The following SERAC1 variants were observed in gnomAD, a reference collection of about 807,000 sequenced individuals.
SERAC1 encodes the protein serine active site containing 1.
In SERAC1, 36 loss-of-function variants were observed where a neutral mutation model predicts 85.7. The ratio of observed to expected loss-of-function variants is 0.42; its 90% confidence interval spans 0.32 to 0.55. The LOEUF is 0.55. Among genes scored for constraint, SERAC1 ranks in the 20% least tolerant of loss-of-function variants. SERAC1 has a pLI of 0.11. For synonymous variants in SERAC1, 242 were observed against 265.3 expected (o/e 0.91, Z 0.85); for missense variants, 629 against 796.2 (o/e 0.79, Z 2.53).
intron 10 of SERAC1, among the ~76,000 whole-genome samples, chr6:158,121,243 A>C (rs1315799250): frequency 3.3e-5 from 5 of 152,206 alleles, no homozygotes; most frequent in Admixed American, 6.5e-5. Context: ...TAAAGTCGTT[A>C]CCTTTTAGGA....
chr6:158,112,432 AC>A (rs1784167866), intron 16 of SERAC1: 1 of 148,036 alleles, frequency 6.8e-6, no homozygotes, highest in Non-Finnish European at 1.5e-5. Flanking sequence ...AAAACAAAAA[AC>A]TATGCTGTTG....
rs369225459 is a variant in SERAC1 at position 158,116,169 on chromosome 6, T to A, written c.1501+16A>T. The A allele has an allele frequency of 6.2e-7, 1 of 1,605,746 alleles. No homozygotes were observed. The highest frequency in any genetic ancestry group is 8.5e-7 in the Non-Finnish European group (1 of 1,172,438). On this transcript the variant is annotated intron_variant, in intron 14 of 16. Transcript: ENST00000647468. ...ACATCACAATGGCCACTTCACAAAG[T>A]TGAAGCCACACTTACCTCCCATGCT...
In SERAC1 at chr6:158,122,686, A is replaced by C. The variant is rs140587748; in HGVS notation, c.1016-2111T>G. The stretch of plus-strand genomic sequence containing the variant: ...TCCCAGCGACTCAGAAGGCTGAGGC[A>C]TGAGAATCACTTGAACCCGGGAGGT... On this transcript the variant is annotated intron_variant, in intron 10 of 16. Transcript: ENST00000647468. Among the ~76,000 whole-genome samples, 594 of 152,308 alleles carry C rather than the reference A, an allele frequency of 3.9e-3. 6 individuals are homozygous for C. The highest frequency in any genetic ancestry group is 0.014 in the African/African-American group (569 of 41,558).
intron 1 of SERAC1, among the ~76,000 whole-genome samples, chr6:158,166,822 A>C (rs1361859175): frequency 3.3e-5 from 5 of 152,204 alleles, no homozygotes; most frequent in Admixed American, 2.0e-4. Flanking sequence ...AAATGCAGAA[A>C]TTAAGGCCAT....
At chr6:158,139,845 A>C (rs1031703096) in intron 8 of SERAC1, among the ~76,000 whole-genome samples, 7 of 152,268 alleles carry the variant, frequency 4.6e-5, no homozygotes, top group African/African-American at 1.7e-4. Context: ...AAAGATGCCC[A>C]ACATCATTAA....
intron 10 of SERAC1, among the ~76,000 whole-genome samples, chr6:158,121,281 A>G (rs1180839289): frequency 6.6e-6 from 1 of 152,148 alleles, no homozygotes; most frequent in East Asian, 1.9e-4. Context: ...AGGGCTCTGT[A>G]AAAAACGTAT....
At chr6:158,137,365 GTTTT>G (rs1037646147) in intron 8 of SERAC1, among the ~76,000 whole-genome samples, 2 of 108,840 alleles carry the variant, frequency 1.8e-5, no homozygotes, top group African/African-American at 7.7e-5. Flanking sequence ...AGCATTCGTT[GTTTT>G]TTGTTTGTTT....
intron 8 of SERAC1, among the ~76,000 whole-genome samples, chr6:158,140,261 A>C (rs1261647916): frequency 6.6e-6 from 1 of 152,220 alleles, no homozygotes; most frequent in African/African-American, 2.4e-5. Context: ...GGGCATGATT[A>C]GATGGTAGGG....
intron 16 of SERAC1, chr6:158,112,827 G>C (rs1784179543): frequency 7.0e-6 from 1 of 143,876 alleles, no homozygotes; most frequent in African/African-American, 2.6e-5. Flanking sequence ...AGTTCAGGTG[G>C]TGAAATGTAC....
In SERAC1 at chr6:158,117,269, C is replaced by G. The variant is rs1293996313; in HGVS notation, c.1403+458G>C. 7.2e-5 allele frequency: 37 copies of G among 513,704 alleles called. No homozygotes were observed. Among genetic ancestry groups the G allele is most frequent in the Non-Finnish European group, 6.9e-6 (2 of 290,656 alleles). The allele number at this position is 513,704 out of a possible 1,614,324, so 31.8% of individuals were successfully genotyped here. A position where few individuals can be genotyped will look rare whatever the true frequency, so the allele number is the denominator to read the frequency against. On this transcript the variant is annotated intron_variant, in intron 13 of 16. Coordinates refer to ENST00000647468, the MANE Select transcript of SERAC1 (RefSeq NM_032861.4). This position sits in a 1 kb window ranked among gnomAD's most constrained non-coding sequence, Gnocchi z 4.3. ...ACAGCAAATCAAAGGTAGGATCCGG[C>G]TACTCTCAGTCCAGTAACTCTGAAA...
Position 158,119,273 on chromosome 6 carries a change from G to A in SERAC1, c.1167-103C>T. 1 of 1,362,318 alleles carries A rather than the reference G, an allele frequency of 7.3e-7. No homozygotes were observed. The highest frequency in any genetic ancestry group is 2.6e-5 in the East Asian group (1 of 38,730). The allele number at this position is 1,362,318 out of a possible 1,614,324, so 84.4% of individuals were successfully genotyped here. ...GTGGATGGTGCTTTAGCAGGCTTAT[G>A]TGACATAAAACTGAATTAAAGCAAG... On this transcript the variant is annotated intron_variant, in intron 11 of 16. Transcript: ENST00000647468. The surrounding 1 kb of genome is among the most constrained non-coding windows in gnomAD (Gnocchi z 4.5).
chr6:158,128,212 A>G lies in SERAC1; in HGVS notation c.911T>C (p.Leu304Pro). Residue 304 changes from leucine to proline, a missense_variant, in exon 10 of 17, where the codon CTG becomes CCG. Physicochemically the swap from Leu to Pro is moderately conservative, Grantham distance 98. Coordinates refer to ENST00000647468, the MANE Select transcript of SERAC1 (RefSeq NM_032861.4). ...AGGGCAGTCCTTGTGAAGTCGGTAC[A>G]GCCTCTGAAGTAGCTGCAGGCCTCC... ...ANGGLQLLQR[L>P]YRLHKDCPKV... 6.2e-7 allele frequency: 1 copy of G among 1,614,176 alleles called. No individual in the cohort carries two copies. Among genetic ancestry groups the G allele is most frequent in the Non-Finnish European group, 8.5e-7 (1 of 1,180,002 alleles).
At position 158,150,533 on chromosome 6, in the gene SERAC1, T is replaced by C. The variant is rs1785178485; in HGVS notation, c.185A>G (p.Asp62Gly). The C allele has an allele frequency of 6.3e-7, 1 of 1,598,866 alleles. No homozygotes were observed. Among genetic ancestry groups the C allele is most frequent in the Non-Finnish European group, 8.6e-7 (1 of 1,167,366 alleles). ...TTTTTCTCGTTCTACCACTTGAGTATCTAATGTCACAGCCTTCTTCAGGGC... is the reference window on the plus strand; with the variant it reads ...TTTTTCTCGTTCTACCACTTGAGTACCTAATGTCACAGCCTTCTTCAGGGC... ...VLALKKAVTL[D>G]TQVVEREKMK... Residue 62 changes from aspartate (D) to glycine (G), a missense_variant, in exon 4 of 17, where the codon GAT becomes GGT. Transcript: ENST00000647468.
chr6:158,145,814 T>G (rs1357267150), intron 6 of SERAC1: 1 of 152,128 alleles, frequency 6.6e-6, no homozygotes, highest in East Asian at 1.9e-4. Context: ...TGAGCCACCA[T>G]GCCTGGCTGA....
At chr6:158,148,984 A>G (rs373135282) in intron 4 of SERAC1, 30 bp from the exon 5 acceptor site, 4 of 1,513,868 alleles carry the variant, frequency 2.6e-6, no homozygotes, top group Middle Eastern at 1.7e-4. Context: ...AAGTAAAACC[A>G]AGAATGTATT....
chr6:158,114,700 A>ATAATACATTCAAGGAATATAAAGTGAGG, intron 15 of SERAC1, 89 bp downstream of exon 15: 1 of 1,591,794 alleles, frequency 6.3e-7, no homozygotes, highest in Non-Finnish European at 8.6e-7. Context: ...ATAAAATGAG[A>ATAATACATTCAAGGAATATAAAGTGAGG]TAATACATTC....
At chr6:158,132,818 C>A (rs1327449536) in intron 8 of SERAC1, among the ~76,000 whole-genome samples, 2 of 152,082 alleles carry the variant, frequency 1.3e-5, no homozygotes, top group Admixed American at 1.3e-4. Flanking sequence ...ATATTCTAAA[C>A]CCTAATGTAA....
intron 15 of SERAC1, 53 bp downstream of exon 15, chr6:158,114,736 T>G (rs558658445): frequency 4.4e-6 from 7 of 1,606,752 alleles, no homozygotes; most frequent in Non-Finnish European, 5.1e-6. Flanking sequence ...TCTTCTTCTC[T>G]GTGTAACTGA....
intron 3 of SERAC1, among the ~76,000 whole-genome samples, chr6:158,153,349 T>C (rs1785250897): frequency 6.6e-6 from 1 of 152,156 alleles, no homozygotes; most frequent in Non-Finnish European, 1.5e-5. Flanking sequence ...AACTTACTTA[T>C]TCACTCTCCC....
Sources: allele counts gnomAD v4.1 joint callset (sites outside exome capture counted in the v4.1 genomes callset), GRCh38; gene constraint gnomAD v4.1.1; non-coding constraint Gnocchi (gnomAD v3.1); transcripts MANE v1.5; gene names NCBI Gene and HGNC (gene_info 2026-07-23, HGNC 2026-07-21).